Variants in AGMO observed in about 807,000 individuals in gnomAD.
AGMO encodes glyceryl-ether monooxygenase.
Under a neutral mutation model 60.2 loss-of-function variants are expected in AGMO, and 75 were observed. The ratio of observed to expected loss-of-function variants is 1.25; its 90% CI spans 1.03 to 1.51. The LOEUF is 1.51. Ranked by LOEUF, AGMO falls within the 40% of genes most tolerant of loss-of-function variation. The pLI is 0.00. For missense variants in AGMO, 763 were observed against 525.5 expected, an observed-to-expected ratio of 1.45 and a Z score of -4.42; for synonymous variants, 261 against 177.1, an observed-to-expected ratio of 1.47 and a Z score of -3.76.
intron 12 of AGMO, among the ~76,000 whole-genome samples, chr7:15,281,974 G>A (rs917694478): frequency 2.0e-5 from 3 of 151,972 alleles, no homozygotes; most frequent in Non-Finnish European, 2.9e-5. Flanking sequence ...CCCATACAGG[G>A]TCTTGACCTC....
chr7:15,359,307 A>AAG (rs1554261430), intron 12 of AGMO, among the ~76,000 whole-genome samples: 4,804 of 150,606 alleles, frequency 0.032, 89 homozygotes, highest in Admixed American at 0.047. Context: ...AAAAAAAAAA[A>AAG]GAAATTAGAT....
the AGMO span, among the ~76,000 whole-genome samples, chr7:15,128,971 G>A: frequency 6.6e-6 from 1 of 152,022 alleles, no homozygotes; most frequent in Admixed American, 6.6e-5. Context: ...AGTGAAAAAA[G>A]GAAAGGCTTC....
intron 9 of AGMO, among the ~76,000 whole-genome samples, chr7:15,387,099 T>C (rs1361084209): frequency 6.6e-6 from 1 of 152,144 alleles, no homozygotes; most frequent in Non-Finnish European, 1.5e-5. Flanking sequence ...CTGAGCTGCA[T>C]GTATTTGTGA....
intron 3 of AGMO, among the ~76,000 whole-genome samples, chr7:15,435,333 T>C (rs1178924859): frequency 6.6e-6 from 1 of 151,118 alleles, no homozygotes; most frequent in Non-Finnish European, 1.5e-5. Context: ...TTTTTATTAG[T>C]ACCAGCAGTG....
intron 2 of AGMO, among the ~76,000 whole-genome samples, chr7:15,546,107 A>C (rs1029093441): frequency 9.2e-5 from 14 of 152,130 alleles, no homozygotes; most frequent in African/African-American, 2.6e-4. Flanking sequence ...CCAGCCCTTT[A>C]ATTTTATTCT....
chr7:15,342,225 T>TA (rs917085492), intron 12 of AGMO, among the ~76,000 whole-genome samples: 1 of 134,466 alleles, frequency 7.4e-6, no homozygotes, highest in Admixed American at 7.6e-5. Context: ...CTAAGAGACT[T>TA]AGAGATTGGG....
intron 12 of AGMO, among the ~76,000 whole-genome samples, chr7:15,324,594 C>T (rs1030911599): frequency 6.6e-6 from 1 of 152,088 alleles, no homozygotes; most frequent in South Asian, 2.1e-4. Context: ...TGAGGTCTGT[C>T]CTCTAATGTA....
chr7:15,388,661 A>G (rs140039774), intron 8 of AGMO, among the ~76,000 whole-genome samples: 2 of 152,322 alleles, frequency 1.3e-5, no homozygotes, highest in East Asian at 3.9e-4. Flanking sequence ...TACGCCTAAT[A>G]ATAAGGAAAA....
intron 2 of AGMO, 69 bp downstream of exon 2, chr7:15,560,072 G>T: frequency 7.4e-7 from 1 of 1,353,488 alleles, no homozygotes. Context: ...CCATGCATTG[G>T]GTTCCTTTGC....
At chr7:15,321,720 AG>A (rs1006341219) in intron 12 of AGMO, among the ~76,000 whole-genome samples, 84 of 152,258 alleles carry the variant, frequency 5.5e-4, no homozygotes, top group African/African-American at 1.9e-3. Flanking sequence ...AATACAAAAA[AG>A]AAAGAAAAAA....
chr7:15,519,022 A>G (rs1009492637), intron 3 of AGMO, among the ~76,000 whole-genome samples: 14 of 151,766 alleles, frequency 9.2e-5, no homozygotes, highest in Non-Finnish European at 4.4e-5. Context: ...CCTGAAGCAT[A>G]CACAAGTATC....
intron 3 of AGMO, among the ~76,000 whole-genome samples, chr7:15,508,170 G>C (rs1482126232): frequency 6.6e-6 from 1 of 152,056 alleles, no homozygotes; most frequent in African/African-American, 2.4e-5. Flanking sequence ...GAAAATGCAA[G>C]CAGGTAAATC....
At chr7:15,475,614 C>T (rs1041585189) in intron 3 of AGMO, among the ~76,000 whole-genome samples, 2 of 151,722 alleles carry the variant, frequency 1.3e-5, no homozygotes, top group African/African-American at 4.8e-5. Flanking sequence ...TGCAGCAAAC[C>T]GCCATGGCAT....
chr7:15,191,973 TCACACACACACA>T, the AGMO span, among the ~76,000 whole-genome samples: 9 of 144,834 alleles, frequency 6.2e-5, no homozygotes, highest in South Asian at 2.2e-4. Flanking sequence ...TGTCTCTCTC[TCACACACACACA>T]CACACACACA....
intron 12 of AGMO, among the ~76,000 whole-genome samples, chr7:15,207,985 T>A (rs751752305): frequency 6.6e-6 from 1 of 152,112 alleles, no homozygotes; most frequent in Non-Finnish European, 1.5e-5. Flanking sequence ...AAAATAGATT[T>A]ACCACAACTA....
chr7:15,353,998 A>G (rs1315693640), intron 12 of AGMO, among the ~76,000 whole-genome samples: 4 of 152,150 alleles, frequency 2.6e-5, no homozygotes, highest in Non-Finnish European at 1.5e-5. Flanking sequence ...ATAGTTTGCA[A>G]TTTACTGTGT....
chr7:15,319,598 A>G (rs1563084540), intron 12 of AGMO, among the ~76,000 whole-genome samples: 1 of 152,160 alleles, frequency 6.6e-6, no homozygotes, highest in East Asian at 1.9e-4. Flanking sequence ...TACAATTCAC[A>G]TTGGGGGAAA....
chr7:15,436,583 G>C (rs139639280), intron 3 of AGMO, among the ~76,000 whole-genome samples: 25 of 152,204 alleles, frequency 1.6e-4, no homozygotes, highest in Non-Finnish European at 3.2e-4. Flanking sequence ...TCAAACAACA[G>C]CGAGCTGCAT....
At chr7:15,194,773 G>T in the AGMO span, among the ~76,000 whole-genome samples, 5 of 152,090 alleles carry the variant, frequency 3.3e-5, no homozygotes, top group African/African-American at 9.7e-5. Context: ...AGCCTATTAC[G>T]TAGGCCAAGC....
Sources: gnomAD v4.1 joint callset for allele counts (sites outside exome capture counted in the v4.1 genomes callset) on GRCh38, gnomAD v4.1.1 for gene constraint, MANE v1.5 for transcripts, NCBI Gene and HGNC (gene_info 2026-07-23, HGNC 2026-07-21) for gene names.